The following RASAL3 variants were observed in gnomAD, a reference collection of about 807,000 sequenced individuals.
The protein encoded by RASAL3 is RAS protein activator like-3.
A neutral mutation model predicts 105.5 loss-of-function variants in RASAL3; 74 were observed. That is an observed-to-expected ratio of 0.70 (90% CI 0.58 to 0.85). The LOEUF is 0.85. Among genes scored for constraint, RASAL3 ranks in the 40% least tolerant of loss-of-function variants. RASAL3 has a pLI of 0.00. For missense variants in RASAL3, 1,352 were observed against 1,392.0 expected, an observed-to-expected ratio of 0.97 and a Z score of 0.46; for synonymous variants, 579 against 591.6, an observed-to-expected ratio of 0.98 and a Z score of 0.31.
At chr19:15,460,014 T>C (rs1002236183) in intron 6 of RASAL3, among the ~76,000 whole-genome samples, 189 bp downstream of exon 6, 1 of 152,136 alleles carries the variant, frequency 6.6e-6, no homozygotes, top group East Asian at 1.9e-4. Flanking sequence ...ATTTTAGAGT[T>C]ATTGTGTCAG....
In RASAL3 at chr19:15,456,490, C is replaced by T. The variant is rs777386504; in HGVS notation, c.1576+12G>A. On this transcript the variant is annotated intron_variant, in intron 10 of 17. Transcript: ENST00000343625. This position sits in a 1 kb window ranked among gnomAD's most constrained non-coding sequence, Gnocchi z 4.4. Reference sequence around the variant, plus strand: ...CCAGCAGGCCGCTGACATGGACTCTCCCCCAGCTCACCCAGGGTCTCCTGG... The same window carrying T: ...CCAGCAGGCCGCTGACATGGACTCTTCCCCAGCTCACCCAGGGTCTCCTGG... 4 of 1,613,050 alleles carry T rather than the reference C, an allele frequency of 2.5e-6. No homozygotes were observed. The highest frequency in any genetic ancestry group is 1.3e-5 in the African/African-American group (1 of 74,922).
At position 15,453,588 on chromosome 19, in the gene RASAL3, G is replaced by C; in HGVS notation, c.2280-91C>G. On this transcript the variant is annotated intron_variant, in intron 14 of 17. Transcript: ENST00000343625. The surrounding 1 kb of genome is among the most constrained non-coding windows in gnomAD (Gnocchi z 4.2). The stretch of plus-strand genomic sequence containing the variant: ...CCAGAAGTGACCTCACCCCCCACGT[G>C]AACTTGTCCTTTCTTTTTTTTTTTT... The C allele has an allele frequency of 1.6e-6, 2 of 1,281,340 alleles. No individual in the cohort carries two copies. The highest frequency in any genetic ancestry group is 3.1e-5 in the South Asian group (2 of 64,438). The allele number at this position is 1,281,340 out of a possible 1,614,324, so 79.4% of individuals were successfully genotyped here.
At position 15,458,625 on chromosome 19, in the gene RASAL3, C is replaced by CGACTG; in HGVS notation, c.692_693insCAGTC (p.Leu232SerfsTer35). ...GGTCCAGTTCAGAGAGTGTGGCCAG[C>CGACTG]GACTCCCTAGAGCCCAGAGCACTGG... On this transcript the variant is annotated frameshift_variant, in exon 7 of 18. Transcript: ENST00000343625. LOFTEE classifies it high-confidence loss of function. 1.2e-6 allele frequency: 2 copies of CGACTG among 1,613,438 alleles called. No homozygotes were observed. Among genetic ancestry groups the CGACTG allele is most frequent in the Non-Finnish European group, 1.7e-6 (2 of 1,179,700 alleles).
Position 15,453,126 on chromosome 19 carries a change from G to C in RASAL3, c.2651C>G (p.Thr884Arg), listed in dbSNP as rs749539937. 3.1e-6 allele frequency: 5 copies of C among 1,613,702 alleles called. No individual in the cohort carries two copies. The change falls in exon 15 of 18, where the codon ACG becomes AGG. Residue 884 changes from threonine (T) to arginine (R), a missense_variant. Coordinates refer to ENST00000343625, the MANE Select transcript of RASAL3 (RefSeq NM_022904.3). This position sits in a 1 kb window ranked among gnomAD's most constrained non-coding sequence, Gnocchi z 4.2. ...QPQDRNQALG[T>R]HRPVNKLAEL... ...CCTTACCTTGTTCACAGGTCGGTGC[G>C]TGCCCAGTGCCTGGTTTCGGTCTTG... is the stretch of plus-strand genomic sequence containing the variant.
intron 2 of RASAL3, among the ~76,000 whole-genome samples, chr19:15,462,357 A>G (rs1020678637): frequency 2.0e-5 from 3 of 152,100 alleles, no homozygotes; most frequent in African/African-American, 7.2e-5. Context: ...GTGGTGGCAC[A>G]TGCCTGTAAT....
intron 15 of RASAL3, 140 bp downstream of exon 15, chr19:15,452,967 C>T (rs1970205450): frequency 3.4e-6 from 5 of 1,477,720 alleles, no homozygotes; most frequent in Admixed American, 4.1e-5. Flanking sequence ...GAGACTGAAG[C>T]TCAGAGAGGG....
At chr19:15,459,405 C>T (rs1171709101) in intron 6 of RASAL3, among the ~76,000 whole-genome samples, 2 of 150,416 alleles carry the variant, frequency 1.3e-5, no homozygotes, top group Non-Finnish European at 2.9e-5. Flanking sequence ...GCCACCATGC[C>T]TGGCTAATTT....
chr19:15,452,780 A>T lies in RASAL3; in HGVS notation c.2706T>A (p.Arg902=), dbSNP rs553119791. ...AELQCEVAAL[R]EEQKVLSRLV... ...GGCGGGACAGCACTTTCTGCTCCTC[A>T]CGCAGAGCGGCCACCTCGCACTGCA... The change falls in exon 16 of 18, where the codon CGT becomes CGA. Residue 902 remains arginine, a synonymous_variant. Transcript: ENST00000343625. 1.3e-6 allele frequency: 2 copies of T among 1,564,582 alleles called. No individual in the cohort carries two copies. The highest frequency in any genetic ancestry group is 2.7e-5 in the African/African-American group (2 of 73,692).
chr19:15,454,532 G>A lies in RASAL3; in HGVS notation c.1989C>T (p.Phe663=). 1 of 1,614,030 alleles carries A rather than the reference G, an allele frequency of 6.2e-7. No homozygotes were observed. Among genetic ancestry groups the A allele is most frequent in the African/African-American group, 1.3e-5 (1 of 75,038 alleles). Reference sequence around the variant, plus strand: ...CATGTTCCTCCAGGAAGCTATTCATGAAGCCCATGTAGGCCTCCTTCTCAC... The same window carrying A: ...CATGTTCCTCCAGGAAGCTATTCATAAAGCCCATGTAGGCCTCCTTCTCAC... ...PFGEKEAYMG[F]MNSFLEEHGP... is the part of the protein sequence containing the mutation. Residue 663 remains phenylalanine (F), a synonymous_variant, in exon 13 of 18, where the codon TTC becomes TTT. Transcript: ENST00000343625.
chr19:15,464,164 C>G lies in RASAL3; in HGVS notation c.195G>C (p.Ser65=). ...GCGCAGATAGGACCCGACGGAATAT[C>G]GAGCGAGGGGCTGGCTGGGTGCTGA... is the stretch of plus-strand genomic sequence containing the variant. ...PMVSTQPAPR[S]IFRRVLSAPP... Residue 65 remains serine, a synonymous_variant, in exon 2 of 18, where the codon TCG becomes TCC. Transcript: ENST00000343625. 1 of 1,613,278 alleles carries G rather than the reference C, an allele frequency of 6.2e-7. No individual in the cohort carries two copies. The highest frequency in any genetic ancestry group is 8.5e-7 in the Non-Finnish European group (1 of 1,179,774).
chr19:15,457,005 C>A lies in RASAL3; in HGVS notation c.1431+287G>T, dbSNP rs1034145768. 2.3e-6 allele frequency: 1 copy of A among 444,406 alleles called. No homozygotes were observed. The highest frequency in any genetic ancestry group is 3.8e-5 in the Admixed American group (1 of 26,306). 27.5% of individuals were successfully genotyped at this position (444,406 alleles called of 1,614,324 possible). ...GGCCCAGTCCTTCAAGGTGCCCCGC[C>A]CCTTACAGGTGCAGCTCAGCCCCAG... is the stretch of plus-strand genomic sequence containing the variant. On this transcript the variant is annotated intron_variant, in intron 9 of 17. Coordinates refer to ENST00000343625, the MANE Select transcript of RASAL3 (RefSeq NM_022904.3). The surrounding 1 kb of genome is among the most constrained non-coding windows in gnomAD (Gnocchi z 8.6).
chr19:15,464,105 A>G lies in RASAL3; in HGVS notation c.254T>C (p.Leu85Pro). 1.2e-6 allele frequency: 2 copies of G among 1,612,400 alleles called. No homozygotes were observed. The highest frequency in any genetic ancestry group is 1.7e-6 in the Non-Finnish European group (2 of 1,179,232). Residue 85 changes from leucine (L) to proline (P), a missense_variant, in exon 2 of 18, where the codon CTC becomes CCC. By Grantham distance (98) the Leu-to-Pro change is moderately conservative. Transcript: ENST00000343625. The part of the protein sequence containing the change: ...PKESRTSRLR[L>P]SKALWGRHKN... The stretch of plus-strand genomic sequence containing the variant: ...ATGCCTCCCCCAGAGGGCCTTGGAG[A>G]GTCGAAGGCGACTGGTCCGTGACTC...
chr19:15,452,994 G>T, intron 15 of RASAL3, 113 bp downstream of exon 15: 1 of 1,516,554 alleles, frequency 6.6e-7, no homozygotes, highest in Non-Finnish European at 8.9e-7. Context: ...TAGGCCTGGG[G>T]TCACACAGCA....
At position 15,451,810 on chromosome 19, in the gene RASAL3, A is replaced by C; in HGVS notation, c.3021T>G (p.Asn1007Lys). Residue 1007 changes from asparagine (N) to lysine (K), a missense_variant, in exon 18 of 18, where the codon AAT becomes AAG. Physicochemically the swap from Asn to Lys is moderately conservative, Grantham distance 94. Transcript: ENST00000343625. ...QPQPLKAPCLNGDTT is the reference protein window; with the variant it reads ...QPQPLKAPCLKGDTT Reference sequence around the variant, plus strand: ...GATGGGCAGCTCAGGTGGTGTCTCCATTGAGGCAGGGTGCTTTGAGGGGCT... The same window carrying C: ...GATGGGCAGCTCAGGTGGTGTCTCCCTTGAGGCAGGGTGCTTTGAGGGGCT... 6.3e-7 allele frequency: 1 copy of C among 1,598,676 alleles called. No individual in the cohort carries two copies. Among genetic ancestry groups the C allele is most frequent in the Non-Finnish European group, 8.6e-7 (1 of 1,168,810 alleles).
rs1459488397 is a variant in RASAL3 at position 15,456,009 on chromosome 19, G to C, written c.1721+95C>G. ...CAATTATTGCATCAAATTTAACTGA[G>C]TGTCTCCTGTATTTTATCTGGCCAC... On this transcript the variant is annotated intron_variant, in intron 11 of 17. Coordinates refer to ENST00000343625, the MANE Select transcript of RASAL3 (RefSeq NM_022904.3). The surrounding 1 kb of genome is among the most constrained non-coding windows in gnomAD (Gnocchi z 4.4). The C allele has an allele frequency of 1.2e-5, 16 of 1,372,554 alleles. 1 individual carries two copies. The South Asian group carries it at 1.8e-4, about 16-fold the overall frequency. 85.0% of individuals were successfully genotyped at this position (1,372,554 alleles called of 1,614,324 possible).
intron 2 of RASAL3, among the ~76,000 whole-genome samples, chr19:15,462,873 C>A (rs1970553197): frequency 6.6e-6 from 1 of 151,646 alleles, no homozygotes; most frequent in Non-Finnish European, 1.5e-5. Flanking sequence ...ATGGCGTGAA[C>A]CCAGGAGGCG....
In RASAL3 at chr19:15,464,209, C is replaced by G. The variant is rs780641509; in HGVS notation, c.150G>C (p.Leu50=). 6.2e-7 allele frequency: 1 copy of G among 1,610,428 alleles called. No homozygotes were observed. Among genetic ancestry groups the G allele is most frequent in the South Asian group, 1.1e-5 (1 of 90,684 alleles). The change falls in exon 2 of 18, where the codon CTG becomes CTC. Residue 50 remains leucine (L), a synonymous_variant. Transcript: ENST00000343625. ...WGRFAGWGRA[L]SHQEPMVSTQ... is the part of the protein sequence containing the mutation. ...TGCTGACCATGGGCTCCTGGTGGCT[C>G]AGGGCCCTGCCCCAGCCAGCAAAGC...
Position 15,453,122 on chromosome 19 carries a change from G to T in RASAL3, c.2655C>A (p.His885Gln). The T allele has an allele frequency of 6.2e-7, 1 of 1,613,698 alleles. No individual in the cohort carries two copies. Among genetic ancestry groups the T allele is most frequent in the Non-Finnish European group, 8.5e-7 (1 of 1,179,748 alleles). ...PQDRNQALGT[H>Q]RPVNKLAELQ... is the part of the protein sequence containing the mutation. ...CTGACCTTACCTTGTTCACAGGTCG[G>T]TGCGTGCCCAGTGCCTGGTTTCGGT... Residue 885 changes from histidine (H) to glutamine (Q), a missense_variant, in exon 15 of 18, where the codon CAC becomes CAA. Around this residue, in one of 3 missense-constraint regions of RASAL3, gnomAD observed 920 missense variants for 919.6 expected, o/e 1.00. Transcript: ENST00000343625. The surrounding 1 kb of genome is among the most constrained non-coding windows in gnomAD (Gnocchi z 4.2).
At position 15,453,556 on chromosome 19, in the gene RASAL3, G is replaced by T; in HGVS notation, c.2280-59C>A. The stretch of plus-strand genomic sequence containing the variant: ...CTGGCCCCTGAGACGACCCCATCCC[G>T]ACCTGACCAGAAGTGACCTCACCCC... On this transcript the variant is annotated intron_variant, in intron 14 of 17. Transcript: ENST00000343625. This position sits in a 1 kb window ranked among gnomAD's most constrained non-coding sequence, Gnocchi z 4.2. 5 of 1,439,516 alleles carry T rather than the reference G, an allele frequency of 3.5e-6. No homozygotes were observed. The highest frequency in any genetic ancestry group is 9.1e-7 in the Non-Finnish European group (1 of 1,103,480). 89.2% of individuals were successfully genotyped at this position (1,439,516 alleles called of 1,614,324 possible).
Sources: allele counts gnomAD v4.1 joint callset (sites outside exome capture counted in the v4.1 genomes callset), GRCh38; gene constraint gnomAD v4.1.1; regional missense constraint gnomAD v4.1.1; non-coding constraint Gnocchi (gnomAD v3.1); transcripts MANE v1.5; gene names NCBI Gene and HGNC (gene_info 2026-07-23, HGNC 2026-07-21).